The following BRSK1 variants were observed in gnomAD, a reference collection of about 807,000 sequenced individuals.
BRSK1 encodes the protein BR serine/threonine kinase 1, also known as serine/threonine-protein kinase BRSK1.
Under a neutral mutation model 86.2 loss-of-function variants are expected in BRSK1, and 17 were observed. That is an observed-to-expected ratio of 0.20 (90% CI 0.14 to 0.30). The LOEUF is 0.30. Among genes scored for constraint, BRSK1 ranks in the 10% least tolerant of loss-of-function variants. The pLI, the probability that BRSK1 is intolerant of heterozygous loss-of-function variation, is 1.00. For missense variants in BRSK1, 719 were observed against 1,071.9 expected (o/e 0.67, Z 4.60); for synonymous variants, 464 against 440.1 (o/e 1.05, Z -0.68).
rs551181362 is a variant in BRSK1, at chr19:55,294,347, C to T, written c.628C>T (p.Arg210Cys). Reference protein sequence around the residue: ...EVIKGEKYDGRRADMWSCGVI... With the variant: ...EVIKGEKYDGCRADMWSCGVI... The stretch of plus-strand genomic sequence containing the variant: ...CTTCCAGGGGGAAAAATATGATGGC[C>T]GCCGGGCAGACATGTGGAGCTGTGG... The change falls in exon 7 of 19, where the codon CGC becomes TGC. Residue 210 changes from arginine (R) to cysteine (C), a missense_variant. This residue lies in a region of BRSK1 where 75 missense variants were observed against 281.0 expected (regional missense o/e 0.27). Coordinates refer to ENST00000309383, the MANE Select transcript of BRSK1 (RefSeq NM_032430.2). This position sits in a 1 kb window ranked among gnomAD's most constrained non-coding sequence, Gnocchi z 4.9. 2.5e-6 allele frequency: 4 copies of T among 1,614,094 alleles called. No individual in the cohort carries two copies. Among genetic ancestry groups the T allele is most frequent in the East Asian group, 2.2e-5 (1 of 44,878 alleles).
Position 55,302,232 on chromosome 19 carries a change from G to C in BRSK1, c.857+64G>C. 4 of 1,576,612 alleles carry C rather than the reference G, an allele frequency of 2.5e-6. No homozygotes were observed. Among genetic ancestry groups the C allele is most frequent in the African/African-American group, 1.3e-5 (1 of 74,220 alleles). On this transcript the variant is annotated intron_variant, in intron 9 of 18. Transcript: ENST00000309383. The surrounding 1 kb of genome is among the most constrained non-coding windows in gnomAD (Gnocchi z 6.3). ...AAATAGGGGAGGGGCCAAAGCAGTA[G>C]AAGCGGCTGGGAGGGGTGGGATGCC...
chr19:55,286,967 A>AC, intron 1 of BRSK1, 40 bp from the exon 2 acceptor site: 1 of 1,599,168 alleles, frequency 6.3e-7, no homozygotes, highest in African/African-American at 1.3e-5. Context: ...GACGAAGGGG[A>AC]CCCGGCGGAA....
Position 55,306,400 on chromosome 19 carries a change from ACGGCAG to A in BRSK1, c.2043_2048del (p.Ser682_Gly683del). On this transcript the variant is annotated inframe_deletion, in exon 17 of 19. Transcript: ENST00000309383. The surrounding 1 kb of genome is among the most constrained non-coding windows in gnomAD (Gnocchi z 4.7). ...GGTCCAGAGCCCTCCCCGCGACGGG[ACGGCAG>A]CGGAGGTGGTGGCATCTACTCCGTC... The A allele has an allele frequency of 6.2e-7, 1 of 1,613,836 alleles. No individual in the cohort carries two copies. The highest frequency in any genetic ancestry group is 8.5e-7 in the Non-Finnish European group (1 of 1,180,016).
Position 55,289,610 on chromosome 19 carries a change from T to C in BRSK1, c.448T>C (p.Tyr150His). 6.2e-7 allele frequency: 1 copy of C among 1,613,910 alleles called. No homozygotes were observed. Among genetic ancestry groups the C allele is most frequent in the Non-Finnish European group, 8.5e-7 (1 of 1,179,876 alleles). Residue 150 changes from tyrosine to histidine, a missense_variant, in exon 4 of 19, where the codon TAC becomes CAC. Around this residue, in one of 6 missense-constraint regions of BRSK1, gnomAD observed 75 missense variants for 281.0 expected, o/e 0.27. Coordinates refer to ENST00000309383, the MANE Select transcript of BRSK1 (RefSeq NM_032430.2). ...IVSALDFCHS[Y>H]SICHRDLKPE... Reference sequence around the variant, plus strand: ...GTCTGCGCTGGACTTCTGCCACAGCTACTCCATCTGGTGAGTGGGCAGCTT... The same window carrying C: ...GTCTGCGCTGGACTTCTGCCACAGCCACTCCATCTGGTGAGTGGGCAGCTT...
chr19:55,299,125 C>T (rs896131233), intron 7 of BRSK1, among the ~76,000 whole-genome samples: 1 of 151,970 alleles, frequency 6.6e-6, no homozygotes, highest in Non-Finnish European at 1.5e-5. Context: ...CACTGCACTC[C>T]GGGCTACAGT....
Position 55,302,056 on chromosome 19 carries a change from A to C in BRSK1, c.826-81A>C. The C allele has an allele frequency of 1.3e-6, 2 of 1,546,650 alleles. No homozygotes were observed. The highest frequency in any genetic ancestry group is 1.8e-6 in the Non-Finnish European group (2 of 1,118,878). On this transcript the variant is annotated intron_variant, in intron 8 of 18. Coordinates refer to ENST00000309383, the MANE Select transcript of BRSK1 (RefSeq NM_032430.2). This position sits in a 1 kb window ranked among gnomAD's most constrained non-coding sequence, Gnocchi z 6.3. ...GGCGGGGAGATGATCAGGGACCCCA[A>C]AACCACCCCAGTCTTTCATTGCGCG...
intron 17 of BRSK1, among the ~76,000 whole-genome samples, chr19:55,307,747 T>TACACACACACAC (rs68176323): frequency 3.1e-4 from 27 of 88,126 alleles, no homozygotes; most frequent in African/African-American, 1.1e-3. Flanking sequence ...AAAAAATTTA[T>TACACACACACAC]ACACACACAC....
Position 55,284,192 on chromosome 19 carries a change from A to C in BRSK1, c.-251A>C. The C allele has an allele frequency of 3.9e-4, 171 of 442,484 alleles. No homozygotes were observed. The highest frequency in any genetic ancestry group is 4.9e-4 in the Non-Finnish European group (152 of 307,270). The allele number at this position is 442,484 out of a possible 1,614,324, so 27.4% of individuals were successfully genotyped here. On this transcript the variant is annotated 5_prime_UTR_variant, in exon 1 of 19. Coordinates refer to ENST00000309383, the MANE Select transcript of BRSK1 (RefSeq NM_032430.2). Reference sequence around the variant, plus strand: ...GGGGCCGGCCAGAAACGGGCTGGGGAGGGGGGGCCCCGCAGCCCCCCTGGG... The same window carrying C: ...GGGGCCGGCCAGAAACGGGCTGGGGCGGGGGGGCCCCGCAGCCCCCCTGGG...
At position 55,302,283 on chromosome 19, in the gene BRSK1, GGGACTC is replaced by G; in HGVS notation, c.857+121_857+126del. ...AGGGTTCCTGAGAGGCAACGGGCTA[GGGACTC>G]GGACTTATGGGTCCTGGGGGAAGAG... On this transcript the variant is annotated intron_variant, in intron 9 of 18. Transcript: ENST00000309383. The surrounding 1 kb of genome is among the most constrained non-coding windows in gnomAD (Gnocchi z 6.3). 1 of 1,238,898 alleles carries G rather than the reference GGGACTC, an allele frequency of 8.1e-7. No individual in the cohort carries two copies. Among genetic ancestry groups the G allele is most frequent in the Non-Finnish European group, 1.2e-6 (1 of 840,710 alleles). The allele number at this position is 1,238,898 out of a possible 1,614,324, so 76.7% of individuals were successfully genotyped here.
At chr19:55,289,278 G>A (rs2088368975) in intron 3 of BRSK1, among the ~76,000 whole-genome samples, 1 of 152,106 alleles carries the variant, frequency 6.6e-6, no homozygotes, top group Admixed American at 6.6e-5. Context: ...GGGAGTGATG[G>A]GAACTGGAAT....
At chr19:55,311,536 G>A (rs1288018396) in intron 18 of BRSK1, among the ~76,000 whole-genome samples, 1 of 152,138 alleles carries the variant, frequency 6.6e-6, no homozygotes, top group African/African-American at 2.4e-5. Flanking sequence ...AGAGTCGGGG[G>A]GCCCCTCTTG....
intron 7 of BRSK1, 52 bp from the exon 8 acceptor site, chr19:55,301,460 T>G: frequency 6.3e-7 from 1 of 1,585,044 alleles, no homozygotes; most frequent in Non-Finnish European, 8.6e-7. Flanking sequence ...CTCCAGTGCT[T>G]GTGGTGAGGG....
rs1013130034 is a variant in BRSK1, at chr19:55,312,094, AC to A, written c.*32del. 8.1e-6 allele frequency: 8 copies of A among 984,038 alleles called. No homozygotes were observed. The highest frequency in any genetic ancestry group is 3.2e-5 in the East Asian group (1 of 30,908). 61.0% of individuals were successfully genotyped at this position (984,038 alleles called of 1,614,324 possible). A position where few individuals can be genotyped will look rare whatever the true frequency, so the allele number is the denominator to read the frequency against. Reference sequence around the variant, plus strand: ...CCCCACGGGGCCGGGGAGGGAGGGGACCCCCCTCCACCCCCCTTCCGTGCCC... The same window carrying A: ...CCCCACGGGGCCGGGGAGGGAGGGGACCCCCTCCACCCCCCTTCCGTGCCC... On this transcript the variant is annotated 3_prime_UTR_variant, in exon 19 of 19. Transcript: ENST00000309383.
At chr19:55,308,443 G>A (rs1445553905) in intron 17 of BRSK1, among the ~76,000 whole-genome samples, 196 bp from the exon 18 acceptor site, 1 of 114,120 alleles carries the variant, frequency 8.8e-6, no homozygotes, top group Non-Finnish European at 1.7e-5. Flanking sequence ...AGGTATGTGA[G>A]TTTGACCGTG....
Position 55,302,767 on chromosome 19 carries a change from C to T in BRSK1, c.928C>T (p.Pro310Ser). The T allele has an allele frequency of 6.2e-7, 1 of 1,613,776 alleles. No individual in the cohort carries two copies. Among genetic ancestry groups the T allele is most frequent in the Non-Finnish European group, 8.5e-7 (1 of 1,179,912 alleles). ...CCGCCGGGTAGCCATGCGGAGCCTG[C>T]CATCCAACGGAGAGCTGGACCCCGA... The part of the protein sequence containing the change: ...PGRRVAMRSL[P>S]SNGELDPDVL... Residue 310 changes from proline (P) to serine (S), a missense_variant, in exon 10 of 19, where the codon CCA becomes TCA. Pro to Ser is a moderately conservative substitution (Grantham distance 74). Coordinates refer to ENST00000309383, the MANE Select transcript of BRSK1 (RefSeq NM_032430.2). The surrounding 1 kb of genome is among the most constrained non-coding windows in gnomAD (Gnocchi z 6.3).
rs2088714526 is a variant in BRSK1, at chr19:55,308,804, GGGC to G, written c.2179+78_2179+80del. 14 of 255,294 alleles carry G rather than the reference GGGC, an allele frequency of 5.5e-5. 1 individual carries two copies. Among genetic ancestry groups the G allele is most frequent in the African/African-American group, 4.5e-4 (14 of 30,796 alleles). 15.8% of individuals were successfully genotyped at this position (255,294 alleles called of 1,614,324 possible). On this transcript the variant is annotated intron_variant, in intron 18 of 18. Coordinates refer to ENST00000309383, the MANE Select transcript of BRSK1 (RefSeq NM_032430.2). ...GGTGGCGGGGGGCGTGGGTGGCGGG[GGGC>G]GTGGGTGGCGGGGGGCGTGGGTGGC... is the stretch of plus-strand genomic sequence containing the variant.
In BRSK1 at chr19:55,306,401, C is replaced by T. The variant is rs753282808; in HGVS notation, c.2040C>T (p.Asp680=). 11 of 1,613,750 alleles carry T rather than the reference C, an allele frequency of 6.8e-6. No homozygotes were observed. Among genetic ancestry groups the T allele is most frequent in the African/African-American group, 1.3e-5 (1 of 74,936 alleles). The part of the protein sequence containing the change: ...SEGPEPSPRR[D]GSGGGGIYSV... ...GTCCAGAGCCCTCCCCGCGACGGGA[C>T]GGCAGCGGAGGTGGTGGCATCTACT... Residue 680 remains aspartate (D), a synonymous_variant, in exon 17 of 19, where the codon GAC becomes GAT. Transcript: ENST00000309383. This position sits in a 1 kb window ranked among gnomAD's most constrained non-coding sequence, Gnocchi z 4.7.
chr19:55,306,335 A>C lies in BRSK1; in HGVS notation c.1974A>C (p.Gln658His), dbSNP rs146776649. The C allele has an allele frequency of 2.5e-6, 4 of 1,613,970 alleles. No individual in the cohort carries two copies. The highest frequency in any genetic ancestry group is 1.6e-4 in the Middle Eastern group (1 of 6,084). ...CCAGTGGCGGCCCCTCCGTCTTCCA[A>C]AAGCCCGTCCGCTTCCAGGTGGACA... ...YKASGGPSVF[Q>H]KPVRFQVDIS... Residue 658 changes from glutamine to histidine, a missense_variant, in exon 17 of 19, where the codon CAA becomes CAC. Around this residue, in one of 6 missense-constraint regions of BRSK1, gnomAD observed 180 missense variants for 259.4 expected, o/e 0.69. Coordinates refer to ENST00000309383, the MANE Select transcript of BRSK1 (RefSeq NM_032430.2). This position sits in a 1 kb window ranked among gnomAD's most constrained non-coding sequence, Gnocchi z 4.7.
rs895028265 is a variant in BRSK1 at position 55,284,120 on chromosome 19, C to T, written c.-323C>T. 3.3e-6 allele frequency: 4 copies of T among 1,194,654 alleles called. No individual in the cohort carries two copies. The highest frequency in any genetic ancestry group is 1.6e-5 in the African/African-American group (1 of 63,054). 74.0% of individuals were successfully genotyped at this position (1,194,654 alleles called of 1,614,324 possible). ...GGGGACCTCGGCCTGCAGCATCCGCCGGCCCGCACCTCAGACCCCCCCGGC... is the reference window on the plus strand; with the variant it reads ...GGGGACCTCGGCCTGCAGCATCCGCTGGCCCGCACCTCAGACCCCCCCGGC... On this transcript the variant is annotated 5_prime_UTR_variant, in exon 1 of 19. Coordinates refer to ENST00000309383, the MANE Select transcript of BRSK1 (RefSeq NM_032430.2).
Sources: allele counts gnomAD v4.1 joint callset (sites outside exome capture counted in the v4.1 genomes callset), GRCh38; gene constraint gnomAD v4.1.1; regional missense constraint gnomAD v4.1.1; non-coding constraint Gnocchi (gnomAD v3.1); transcripts MANE v1.5; gene names NCBI Gene and HGNC (gene_info 2026-07-23, HGNC 2026-07-21).